The following TNIK variants were observed in gnomAD, a reference collection of about 807,000 sequenced individuals.
The protein encoded by TNIK is TRAF2 and NCK interacting kinase, also known as TRAF2 and NCK-interacting protein kinase.
TNIK carries 49 observed loss-of-function variants against 191.3 expected under a neutral mutation model. That is an observed-to-expected ratio of 0.26 (90% CI 0.20 to 0.32). TNIK has a LOEUF of 0.32. TNIK is among the 10% of genes least tolerant of loss of function. The pLI, the probability that TNIK is intolerant of heterozygous loss-of-function variation, is 1.00. For synonymous variants in TNIK, 594 were observed against 600.9 expected (o/e 0.99, Z 0.17); for missense variants, 1,155 against 1,702.3 (o/e 0.68, Z 5.66).
At chr3:171,119,429 T>C (rs933689900) in intron 18 of TNIK, among the ~76,000 whole-genome samples, 1 of 152,132 alleles carries the variant, frequency 6.6e-6, no homozygotes, top group African/African-American at 2.4e-5. Context: ...GACCCAGCCA[T>C]CCCATTACTG....
intron 1 of TNIK, among the ~76,000 whole-genome samples, chr3:171,454,784 T>C (rs1459301111): frequency 2.0e-5 from 3 of 152,236 alleles, no homozygotes; most frequent in East Asian, 3.8e-4. Context: ...TCTGGAGTAA[T>C]GAACTAATAA....
At chr3:171,347,015 T>A in intron 2 of TNIK, 2 of 900,334 alleles carry the variant, frequency 2.2e-6, no homozygotes, top group South Asian at 3.7e-5. Context: ...CAAGGGACAG[T>A]CCTGCAGGCG....
chr3:171,121,102 T>G (rs1183011544), intron 18 of TNIK, among the ~76,000 whole-genome samples: 1 of 152,196 alleles, frequency 6.6e-6, no homozygotes, highest in Non-Finnish European at 1.5e-5. Context: ...AATTTTCTAG[T>G]CACCCTTGGG....
At chr3:171,074,327 C>T (rs1243358807) in intron 28 of TNIK, among the ~76,000 whole-genome samples, 4 of 151,968 alleles carry the variant, frequency 2.6e-5, no homozygotes, top group African/African-American at 9.7e-5. Context: ...CACATGGACA[C>T]AAAGCTGGAA....
intron 12 of TNIK, among the ~76,000 whole-genome samples, chr3:171,143,343 A>G (rs1049684925): frequency 1.3e-5 from 2 of 152,204 alleles, no homozygotes; most frequent in African/African-American, 4.8e-5. Context: ...ATATCAATGC[A>G]AGACCAAGTC....
chr3:171,297,989 G>C (rs970153455), intron 2 of TNIK, among the ~76,000 whole-genome samples: 1 of 152,218 alleles, frequency 6.6e-6, no homozygotes, highest in Non-Finnish European at 1.5e-5. Context: ...AAGGGATTTA[G>C]TTCCTTACAA....
rs1728963292 is a variant in TNIK, at chr3:171,457,979, G to T, written c.57+2028C>A. On this transcript the variant is annotated intron_variant, in intron 1 of 32. Transcript: ENST00000436636. ...CCCCTGCCTGCAGGCTCCGTGCTTGGTATCTCAGAAAACCTTCCCGAGGAA... is the reference window on the plus strand; with the variant it reads ...CCCCTGCCTGCAGGCTCCGTGCTTGTTATCTCAGAAAACCTTCCCGAGGAA... 2.6e-5 allele frequency among the ~76,000 whole-genome samples: 4 copies of T among 152,196 alleles called. No homozygotes were observed. The South Asian group carries it at 8.3e-4, about 32-fold the overall frequency.
At position 171,407,150 on chromosome 3, in the gene TNIK, G is replaced by C. The variant is rs551391255; in HGVS notation, c.58-37465C>G. ...CTGGTATGTGGGTGAAAGTGGAGAA[G>C]GAAAAGTCGAAGGAGCTGATGAGCT... On this transcript the variant is annotated intron_variant, in intron 1 of 32. Transcript: ENST00000436636. Among the ~76,000 whole-genome samples, 4 of 152,304 alleles carry C rather than the reference G, an allele frequency of 2.6e-5. No individual in the cohort carries two copies. The South Asian group carries it at 8.3e-4, about 32-fold the overall frequency.
chr3:171,123,103 T>C (rs774350670), intron 18 of TNIK, among the ~76,000 whole-genome samples: 1 of 152,214 alleles, frequency 6.6e-6, no homozygotes, highest in East Asian at 1.9e-4. Context: ...AGTTCTTCTA[T>C]AACTGCCAAG....
At chr3:171,351,355 T>C (rs1161741014) in intron 2 of TNIK, among the ~76,000 whole-genome samples, 1 of 151,840 alleles carries the variant, frequency 6.6e-6, no homozygotes, top group Non-Finnish European at 1.5e-5. Context: ...ATCCTATCAC[T>C]GTAAAAACAC....
Position 171,139,365 on chromosome 3 carries a change from C to T in TNIK, c.1419+105G>A, listed in dbSNP as rs1730453711. The stretch of plus-strand genomic sequence containing the variant: ...CTTCTGGACTGGTATGTTAGAAGGA[C>T]ACACGCACGCGCGCACACACACACA... On this transcript the variant is annotated intron_variant, in intron 14 of 32. Coordinates refer to ENST00000436636, the MANE Select transcript of TNIK (RefSeq NM_015028.4). 4 of 1,027,940 alleles carry T rather than the reference C, an allele frequency of 3.9e-6. No homozygotes were observed. The Admixed American group carries it at 7.4e-5, about 19-fold the overall frequency. The allele number at this position is 1,027,940 out of a possible 1,614,324, so 63.7% of individuals were successfully genotyped here. A position where few individuals can be genotyped will look rare whatever the true frequency, so the allele number is the denominator to read the frequency against.
At chr3:171,352,563 C>A (rs1459201501) in intron 2 of TNIK, among the ~76,000 whole-genome samples, 1 of 152,186 alleles carries the variant, frequency 6.6e-6, no homozygotes, top group African/African-American at 2.4e-5. Context: ...GGGTTGGTAT[C>A]ACTATGTAAA....
Position 171,414,390 on chromosome 3 carries a change from C to T in TNIK, c.58-44705G>A, listed in dbSNP as rs192867954. On this transcript the variant is annotated intron_variant, in intron 1 of 32. Coordinates refer to ENST00000436636, the MANE Select transcript of TNIK (RefSeq NM_015028.4). Reference sequence around the variant, plus strand: ...TACCTTGAAGTAACTATTTGTCATTCCCCTTCCAAATGAGAGCTAGATAAT... The same window carrying T: ...TACCTTGAAGTAACTATTTGTCATTTCCCTTCCAAATGAGAGCTAGATAAT... Among the ~76,000 whole-genome samples the T allele has an allele frequency of 6.7e-3, 1,015 of 152,326 alleles. 7 individuals carry two copies. Among genetic ancestry groups the T allele is most frequent in the South Asian group, 0.012 (58 of 4,828 alleles).
chr3:171,136,817 C>T (rs192733607), intron 15 of TNIK, among the ~76,000 whole-genome samples: 1 of 152,134 alleles, frequency 6.6e-6, no homozygotes, highest in African/African-American at 2.4e-5. Flanking sequence ...TTTTGCTTAG[C>T]TGGAAGAACA....
chr3:171,126,325 A>T (rs546317011), intron 16 of TNIK, among the ~76,000 whole-genome samples, 174 bp from the exon 17 acceptor site: 1 of 152,232 alleles, frequency 6.6e-6, no homozygotes, highest in South Asian at 2.1e-4. Context: ...AAAATTTTCC[A>T]TTGGAACGAT....
intron 4 of TNIK, among the ~76,000 whole-genome samples, chr3:171,204,925 A>G (rs2108884655): frequency 6.6e-6 from 1 of 152,322 alleles, no homozygotes; most frequent in East Asian, 1.9e-4. Flanking sequence ...AAGACCTTGG[A>G]CAAACTTCTG....
intron 27 of TNIK, among the ~76,000 whole-genome samples, chr3:171,081,540 A>C (rs1720680144): frequency 6.8e-6 from 1 of 147,394 alleles, no homozygotes; most frequent in Non-Finnish European, 1.5e-5. Flanking sequence ...GTGCAGTAGC[A>C]AGTTGGTTCC....
chr3:171,296,705 A>G (rs1434381663), intron 2 of TNIK, among the ~76,000 whole-genome samples: 2 of 152,214 alleles, frequency 1.3e-5, no homozygotes, highest in South Asian at 2.1e-4. Flanking sequence ...ATTGATAATT[A>G]TTGAAGATAA....
rs201839827 is a variant in TNIK, at chr3:171,376,772, A to T, written c.58-7087T>A. On this transcript the variant is annotated intron_variant, in intron 1 of 32. Transcript: ENST00000436636. The stretch of plus-strand genomic sequence containing the variant: ...GATAGATAGATAGATAGATAGATAG[A>T]TAGATAGATAGATAGATAGATGAGA... 6.6e-5 allele frequency among the ~76,000 whole-genome samples: 10 copies of T among 152,254 alleles called. No homozygotes were observed. In the East Asian group the frequency reaches 1.7e-3, roughly 26 times the overall value.
Sources: allele counts gnomAD v4.1 joint callset (sites outside exome capture counted in the v4.1 genomes callset), GRCh38; gene constraint gnomAD v4.1.1; transcripts MANE v1.5; gene names NCBI Gene and HGNC (gene_info 2026-07-23, HGNC 2026-07-21).